IFTAP: variants seen among roughly 807,000 people sequenced by gnomAD.
The protein encoded by IFTAP is intraflagellar transport associated protein, also known as intraflagellar transport-associated protein.
In IFTAP, 19 loss-of-function variants were observed where a neutral mutation model predicts 19.4. That is an observed-to-expected ratio of 0.98 (90% CI 0.68 to 1.44). The LOEUF is 1.44. Ranked by LOEUF, IFTAP falls within the 40% of genes most tolerant of loss-of-function variation. The pLI is 0.00. For missense variants in IFTAP, 240 were observed against 253.6 expected, an observed-to-expected ratio of 0.95 and a Z score of 0.36; for synonymous variants, 85 against 83.5, an observed-to-expected ratio of 1.02 and a Z score of -0.10.
chr11:36,610,723 C>T (rs981308698), intron 2 of IFTAP, among the ~76,000 whole-genome samples: 4 of 152,006 alleles, frequency 2.6e-5, no homozygotes, highest in Non-Finnish European at 4.4e-5. Flanking sequence ...GGTTGAGAAA[C>T]GTTAATTGAG....
At chr11:36,652,653 A>G (rs1390982480) in intron 5 of IFTAP, among the ~76,000 whole-genome samples, 1 of 152,096 alleles carries the variant, frequency 6.6e-6, no homozygotes, top group East Asian at 1.9e-4. Flanking sequence ...GAACGCTTCC[A>G]GTTTTTGCCC....
intron 2 of IFTAP, among the ~76,000 whole-genome samples, chr11:36,630,085 G>A (rs1306082346): frequency 6.6e-6 from 1 of 151,186 alleles, no homozygotes; most frequent in Non-Finnish European, 1.5e-5. Context: ...ACCCTTGGGT[G>A]GCACATTTGG....
chr11:36,640,373 T>C (rs1853150085), intron 4 of IFTAP, among the ~76,000 whole-genome samples: 1 of 152,240 alleles, frequency 6.6e-6, no homozygotes, highest in Non-Finnish European at 1.5e-5. Context: ...AAATTATTAA[T>C]TTTATTACAT....
chr11:36,619,953 G>A (rs1434985186), intron 2 of IFTAP, among the ~76,000 whole-genome samples: 1 of 78,838 alleles, frequency 1.3e-5, no homozygotes, highest in Non-Finnish European at 2.2e-5. Flanking sequence ...TACTTTAACT[G>A]AAGACATAGG....
chr11:36,602,637 G>A (rs13377530), intron 1 of IFTAP, among the ~76,000 whole-genome samples: 5,879 of 152,096 alleles, frequency 0.039, 368 homozygotes, highest in African/African-American at 0.13. Flanking sequence ...ATTACTCGCC[G>A]TTACTACCCA....
At chr11:36,612,065 G>A (rs1330729115) in intron 2 of IFTAP, among the ~76,000 whole-genome samples, 1 of 151,982 alleles carries the variant, frequency 6.6e-6, no homozygotes, top group African/African-American at 2.4e-5. Context: ...AAAACTTTTT[G>A]CAAGGACTTT....
In IFTAP at chr11:36,631,766, C is replaced by G. The variant is rs115606704; in HGVS notation, c.137-1518C>G. Reference sequence around the variant, plus strand: ...CCCAACAATGGCTTGATTTCTGCCACTTGACTTTTTTTGAATTCCTTTATC... The same window carrying G: ...CCCAACAATGGCTTGATTTCTGCCAGTTGACTTTTTTTGAATTCCTTTATC... On this transcript the variant is annotated intron_variant, in intron 2 of 5. Transcript: ENST00000334307. Among the ~76,000 whole-genome samples, 992 of 151,234 alleles carry G rather than the reference C, an allele frequency of 6.6e-3. 73 individuals are homozygous for G. Among genetic ancestry groups the G allele is most frequent in the African/African-American group, 0.024 (964 of 40,588 alleles).
chr11:36,658,304 A>G (rs577408512), intron 5 of IFTAP, among the ~76,000 whole-genome samples: 6 of 151,772 alleles, frequency 4.0e-5, no homozygotes, highest in Non-Finnish European at 8.8e-5. Context: ...GATTTAAGGC[A>G]TACTCTTGGT....
intron 4 of IFTAP, among the ~76,000 whole-genome samples, chr11:36,646,658 A>C (rs1214832874): frequency 6.6e-6 from 1 of 152,186 alleles, no homozygotes; most frequent in Non-Finnish European, 1.5e-5. Flanking sequence ...GTGACATTGT[A>C]GGATAAGAGC....
At chr11:36,601,358 A>G (rs950376444) in intron 1 of IFTAP, among the ~76,000 whole-genome samples, 1 of 152,194 alleles carries the variant, frequency 6.6e-6, no homozygotes, top group Non-Finnish European at 1.5e-5. Context: ...GAAGGAAGCA[A>G]TTTACAGTTA....
intron 4 of IFTAP, among the ~76,000 whole-genome samples, chr11:36,637,230 T>A (rs184776732): frequency 6.6e-6 from 1 of 152,246 alleles, no homozygotes; most frequent in East Asian, 1.9e-4. Context: ...ATTTGAGAGG[T>A]TTTGGTAATT....
intron 4 of IFTAP, among the ~76,000 whole-genome samples, chr11:36,647,123 C>G (rs1178474790): frequency 6.6e-6 from 1 of 152,058 alleles, no homozygotes; most frequent in Admixed American, 6.6e-5. Context: ...TCAAGTCATG[C>G]TTGTTATTAA....
At chr11:36,609,550 A>G in intron 1 of IFTAP, among the ~76,000 whole-genome samples, 1 of 152,122 alleles carries the variant, frequency 6.6e-6, no homozygotes, top group East Asian at 1.9e-4. Context: ...TCACCCGATG[A>G]ATAGAGTGAC....
At chr11:36,606,671 G>A (rs1184193538) in intron 1 of IFTAP, among the ~76,000 whole-genome samples, 1 of 152,206 alleles carries the variant, frequency 6.6e-6, no homozygotes, top group East Asian at 1.9e-4. Context: ...AAAGCATTAT[G>A]AGAAGACATT....
chr11:36,657,810 C>G (rs1439752320), intron 5 of IFTAP, among the ~76,000 whole-genome samples: 1 of 152,184 alleles, frequency 6.6e-6, no homozygotes, highest in East Asian at 1.9e-4. Context: ...CTCACCGTGG[C>G]AAACTCACCA....
At chr11:36,658,747 C>T (rs1854098229) in intron 5 of IFTAP, among the ~76,000 whole-genome samples, 1 of 152,014 alleles carries the variant, frequency 6.6e-6, no homozygotes, top group Non-Finnish European at 1.5e-5. Flanking sequence ...TGAGTATATG[C>T]AAGGGAGACT....
At chr11:36,642,433 GA>G (rs1372536541) in intron 4 of IFTAP, among the ~76,000 whole-genome samples, 1 of 152,180 alleles carries the variant, frequency 6.6e-6, no homozygotes, top group African/African-American at 2.4e-5. Flanking sequence ...GAGGTACGAG[GA>G]GGAGCTGGTA....
At chr11:36,603,209 C>G (rs2133357343) in intron 1 of IFTAP, among the ~76,000 whole-genome samples, 1 of 152,204 alleles carries the variant, frequency 6.6e-6, no homozygotes, top group Non-Finnish European at 1.5e-5. Flanking sequence ...CTCAAGAAAC[C>G]TCATTAAAGT....
At chr11:36,645,020 G>T (rs867449434) in intron 4 of IFTAP, among the ~76,000 whole-genome samples, 166 of 150,416 alleles carry the variant, frequency 1.1e-3, no homozygotes, top group African/African-American at 3.7e-3. Context: ...TAATAATAAA[G>T]AAGTGATCTG....
Sources: gnomAD v4.1 joint callset for allele counts (sites outside exome capture counted in the v4.1 genomes callset) on GRCh38, gnomAD v4.1.1 for gene constraint, MANE v1.5 for transcripts, NCBI Gene and HGNC (gene_info 2026-07-23, HGNC 2026-07-21) for gene names.